WDR3: variants seen among roughly 807,000 people sequenced by gnomAD.
WDR3 encodes WD repeat-containing protein 3.
In WDR3, 81 loss-of-function variants were observed where a neutral mutation model predicts 123.7. That is an observed-to-expected ratio of 0.65 (90% CI 0.55 to 0.79). WDR3 has a LOEUF of 0.79. Ranked by LOEUF, WDR3 falls within the 30% of genes least tolerant of loss-of-function variation. WDR3 has a pLI of 0.00. For missense variants in WDR3, 1,027 were observed against 1,123.2 expected, an observed-to-expected ratio of 0.91 and a Z score of 1.22; for synonymous variants, 390 against 388.8, an observed-to-expected ratio of 1.00 and a Z score of -0.04.
At chr1:117,950,210 G>A in intron 15 of WDR3, 80 bp downstream of exon 15, 1 of 1,537,742 alleles carries the variant, frequency 6.5e-7, no homozygotes, top group Non-Finnish European at 8.9e-7. Flanking sequence ...ATAAAGAAGT[G>A]GCCTTGACTG....
rs890403919 is a variant in WDR3 at position 117,962,264 on chromosome 1, A to G, written c.*2817A>G. ...ACAATTTTTGGTCAAAATACTTGAA[A>G]CTCTTTAACTCTAAAAGTTTAAGGT... On this transcript the variant is annotated 3_prime_UTR_variant, in exon 27 of 27. Coordinates refer to ENST00000349139, the MANE Select transcript of WDR3 (RefSeq NM_006784.3). 1.4e-4 allele frequency: 22 copies of G among 152,028 alleles called. No individual in the cohort carries two copies. The highest frequency in any genetic ancestry group is 2.0e-4 in the Admixed American group (3 of 15,250). 9.4% of individuals were successfully genotyped at this position (152,028 alleles called of 1,614,324 possible).
rs747742358 is a variant in WDR3, at chr1:117,949,793, T to G, written c.1567T>G (p.Trp523Gly). 6.2e-7 allele frequency: 1 copy of G among 1,613,972 alleles called. No homozygotes were observed. Among genetic ancestry groups the G allele is most frequent in the Admixed American group, 1.7e-5 (1 of 60,012 alleles). ...TGGTGCAGATAAATCTGTCAAATTC[T>G]GGGATTTTGAGTTAGTGAAAGATGA... Reference protein sequence around the residue: ...TGGADKSVKFWDFELVKDENS... With the variant: ...TGGADKSVKFGDFELVKDENS... The change falls in exon 14 of 27, where the codon TGG (tryptophan) becomes GGG (glycine). Residue 523 changes from tryptophan (W) to glycine (G), a missense_variant. By Grantham distance (184) the Trp-to-Gly change is radical (BLOSUM62 -2). Coordinates refer to ENST00000349139, the MANE Select transcript of WDR3 (RefSeq NM_006784.3).
chr1:117,954,770 T>G (rs746619354), intron 23 of WDR3, 143 bp downstream of exon 23: 1 of 908,346 alleles, frequency 1.1e-6, no homozygotes, highest in Non-Finnish European at 1.6e-6. Flanking sequence ...CTTGGCATTC[T>G]CTAGGATATT....
rs1390859341 is a variant in WDR3, at chr1:117,941,750, G to A, written c.892G>A (p.Gly298Arg). Residue 298 changes from glycine to arginine, a missense_variant and splice_region_variant, in exon 9 of 27, where the codon GGA (glycine) becomes AGA (arginine). Gly to Arg is a moderately radical substitution (Grantham distance 125). Transcript: ENST00000349139. The stretch of plus-strand genomic sequence containing the variant: ...TCACATTAACCTTTTGCCTTTCTAG[G>A]GAACTGACTCTGTGCTAGAATTGTT... ...DKTGRILACH[G>R]TDSVLELFCI... 1.2e-6 allele frequency: 2 copies of A among 1,607,728 alleles called. No homozygotes were observed. The highest frequency in any genetic ancestry group is 1.1e-5 in the South Asian group (1 of 89,218).
chr1:117,961,197 C>G lies in WDR3; in HGVS notation c.*1750C>G, dbSNP rs1653043567. The G allele has an allele frequency of 6.6e-6, 1 of 152,300 alleles. No homozygotes were observed. Among genetic ancestry groups the G allele is most frequent in the Non-Finnish European group, 1.5e-5 (1 of 68,062 alleles). 9.4% of individuals were successfully genotyped at this position (152,300 alleles called of 1,614,324 possible). On this transcript the variant is annotated 3_prime_UTR_variant, in exon 27 of 27. Coordinates refer to ENST00000349139, the MANE Select transcript of WDR3 (RefSeq NM_006784.3). ...ACTCAGGAGGCTGAGACAGGAGAAT[C>G]ACTTGAACCCGGCAGGCGGAGATTG...
At chr1:117,957,234 C>T in intron 25 of WDR3, 38 bp downstream of exon 25, 1 of 1,593,690 alleles carries the variant, frequency 6.3e-7, no homozygotes, top group Non-Finnish European at 8.5e-7. Flanking sequence ...GTCTGTTCAG[C>T]AGAACTGCTT....
At chr1:117,935,889 A>G (rs1213232582) in intron 3 of WDR3, among the ~76,000 whole-genome samples, 1 of 151,960 alleles carries the variant, frequency 6.6e-6, no homozygotes, top group African/African-American at 2.4e-5. Flanking sequence ...AAAAGAAAGG[A>G]TTAGTATCAT....
At position 117,950,051 on chromosome 1, in the gene WDR3, G is replaced by T; in HGVS notation, c.1667G>T (p.Ser556Ile). The T allele has an allele frequency of 3.7e-6, 6 of 1,613,958 alleles. No individual in the cohort carries two copies. The highest frequency in any genetic ancestry group is 5.1e-6 in the Non-Finnish European group (6 of 1,179,940). Residue 556 changes from serine to isoleucine, a missense_variant, in exon 15 of 27, where the codon AGT becomes ATT. Transcript: ENST00000349139. ...LQLDEDVLCV[S>I]YSPNQKLLAV... ...CTAGATGAAGATGTTCTGTGTGTCA[G>T]TTACTCTCCCAATCAAAAGCTATTG...
intron 4 of WDR3, 63 bp from the exon 5 acceptor site, chr1:117,938,417 C>A (rs760956383): frequency 4.5e-6 from 6 of 1,339,112 alleles, no homozygotes; most frequent in Non-Finnish European, 6.4e-6. Flanking sequence ...TTTTGGATCT[C>A]CCTATTCGTT....
At position 117,965,315 on chromosome 1, in the gene WDR3, G is replaced by T. The variant is rs1370708466; in HGVS notation, c.*5868G>T. 1 of 152,092 alleles carries T rather than the reference G, an allele frequency of 6.6e-6. No homozygotes were observed. Among genetic ancestry groups the T allele is most frequent in the Non-Finnish European group, 1.5e-5 (1 of 68,038 alleles). 9.4% of individuals were successfully genotyped at this position (152,092 alleles called of 1,614,324 possible). On this transcript the variant is annotated 3_prime_UTR_variant, in exon 27 of 27. Transcript: ENST00000349139. ...CTAATTGCTGCTTTTGTCTCCACTG[G>T]CTCTTCTTCCTCCTGCTCCCTAAAC...
chr1:117,945,370 T>C (rs1651337675), intron 11 of WDR3, among the ~76,000 whole-genome samples: 1 of 152,218 alleles, frequency 6.6e-6, no homozygotes, highest in Non-Finnish European at 1.5e-5. Context: ...AATGTGCCTT[T>C]CTTATGGCTG....
In WDR3 at chr1:117,957,090, G is replaced by T; in HGVS notation, c.2476G>T (p.Val826Leu). 6.3e-7 allele frequency: 1 copy of T among 1,599,284 alleles called. No homozygotes were observed. The highest frequency in any genetic ancestry group is 1.7e-4 in the Middle Eastern group (1 of 6,020). Reference protein sequence around the residue: ...KSSELEESLLVLPFSYVPDIL... With the variant: ...KSSELEESLLLLPFSYVPDIL... ...CAGTGAGCTGGAAGAATCTCTACTT[G>T]TGCTGCCTTTCTCTTATGTCCCAGA... The change falls in exon 25 of 27, where the codon GTG (valine) becomes TTG (leucine). Residue 826 changes from valine (V) to leucine (L), a missense_variant. Physicochemically the swap from Val to Leu is conservative, Grantham distance 32. Coordinates refer to ENST00000349139, the MANE Select transcript of WDR3 (RefSeq NM_006784.3).
At chr1:117,932,345 A>G (rs973285891) in intron 1 of WDR3, among the ~76,000 whole-genome samples, 1 of 152,244 alleles carries the variant, frequency 6.6e-6, no homozygotes, top group Non-Finnish European at 1.5e-5. Flanking sequence ...AAGAACTGCA[A>G]TAGCAGCATC....
Position 117,936,802 on chromosome 1 carries a change from G to T in WDR3, c.415G>T (p.Glu139Ter). 6.2e-7 allele frequency: 1 copy of T among 1,612,844 alleles called. No individual in the cohort carries two copies. The highest frequency in any genetic ancestry group is 8.5e-7 in the Non-Finnish European group (1 of 1,179,214). The change falls in exon 4 of 27, where the codon GAA becomes TAA. Residue 139 changes from glutamate (E) to a stop codon, truncating the protein, a stop_gained. Transcript: ENST00000349139. LOFTEE classifies it high-confidence loss of function. The stretch of plus-strand genomic sequence containing the variant: ...TATTATTGTATGGGATGTGATCAAT[G>T]AAAGTGGTCTGTACCGTCTAAAGGG... ...TDIIVWDVINESGLYRLKGHK... is the reference protein window; with the variant it reads ...TDIIVWDVIN
At chr1:117,937,959 G>A (rs1651003379) in intron 4 of WDR3, among the ~76,000 whole-genome samples, 1 of 152,182 alleles carries the variant, frequency 6.6e-6, no homozygotes, top group African/African-American at 2.4e-5. Context: ...TGGGATGAGA[G>A]AACAGCAATG....
rs1652952851 is a variant in WDR3 at position 117,960,646 on chromosome 1, CACA to C, written c.*1203_*1205del. ...TGTCACAGCATTTTAAGTGCATACG[CACA>C]ACACTTGAGCTCACTGCATAGCAAC... On this transcript the variant is annotated 3_prime_UTR_variant, in exon 27 of 27. Transcript: ENST00000349139. 1 of 152,326 alleles carries C rather than the reference CACA, an allele frequency of 6.6e-6. No individual in the cohort carries two copies. Among genetic ancestry groups the C allele is most frequent in the South Asian group, 2.1e-4 (1 of 4,818 alleles). 9.4% of individuals were successfully genotyped at this position (152,326 alleles called of 1,614,324 possible). A position where few individuals can be genotyped will look rare whatever the true frequency, so the allele number is the denominator to read the frequency against.
chr1:117,950,064 T>C lies in WDR3; in HGVS notation c.1680T>C (p.Asn560=). ...EDVLCVSYSP[N]QKLLAVSLLD... is the part of the protein sequence containing the mutation. ...TTCTGTGTGTCAGTTACTCTCCCAA[T>C]CAAAAGCTATTGGCTGTGTCTTTGC... The change falls in exon 15 of 27, where the codon AAT becomes AAC. Residue 560 remains asparagine, a synonymous_variant. Transcript: ENST00000349139. The C allele has an allele frequency of 6.2e-7, 1 of 1,614,016 alleles. No individual in the cohort carries two copies. The highest frequency in any genetic ancestry group is 8.5e-7 in the Non-Finnish European group (1 of 1,179,928).
rs1473081187 is a variant in WDR3 at position 117,961,838 on chromosome 1, C to T, written c.*2391C>T. 1 of 152,404 alleles carries T rather than the reference C, an allele frequency of 6.6e-6. No individual in the cohort carries two copies. The highest frequency in any genetic ancestry group is 1.5e-5 in the Non-Finnish European group (1 of 68,010). 9.4% of individuals were successfully genotyped at this position (152,404 alleles called of 1,614,324 possible). Reference sequence around the variant, plus strand: ...GAATAGGCAGGCAGGATAATGCATTCTAGGTGCTTTCCAAGGAGTCAGTGT... The same window carrying T: ...GAATAGGCAGGCAGGATAATGCATTTTAGGTGCTTTCCAAGGAGTCAGTGT... On this transcript the variant is annotated 3_prime_UTR_variant, in exon 27 of 27. Coordinates refer to ENST00000349139, the MANE Select transcript of WDR3 (RefSeq NM_006784.3).
intron 8 of WDR3, 61 bp downstream of exon 8, chr1:117,941,286 C>A: frequency 6.6e-7 from 1 of 1,503,906 alleles, no homozygotes; most frequent in South Asian, 1.2e-5. Context: ...AACACTCATT[C>A]TTTCATATTC....
Sources: allele counts gnomAD v4.1 joint callset (sites outside exome capture counted in the v4.1 genomes callset), GRCh38; gene constraint gnomAD v4.1.1; transcripts MANE v1.5; gene names NCBI Gene and HGNC (gene_info 2026-07-23, HGNC 2026-07-21).